Variants in CBLB observed in about 807,000 individuals in gnomAD.
CBLB encodes the protein Cbl proto-oncogene B.
In CBLB, 31 loss-of-function variants were observed where a neutral mutation model predicts 104.9. That is an observed-to-expected ratio of 0.30 (90% CI 0.22 to 0.40). The LOEUF (loss-of-function observed/expected upper bound fraction) is 0.40, where lower values mean the gene tolerates loss of function less well. CBLB is among the 10% of genes least tolerant of loss of function. The pLI is 1.00. For missense variants in CBLB, 1,062 were observed against 1,214.6 expected (o/e 0.87, Z 1.87); for synonymous variants, 440 against 422.6 (o/e 1.04, Z -0.51).
rs775534063 is a variant in CBLB, at chr3:105,681,624, C to A, written c.2297-14G>T. 9 of 1,613,936 alleles carry A rather than the reference C, an allele frequency of 5.6e-6. No individual in the cohort carries two copies. The highest frequency in any genetic ancestry group is 5.5e-5 in the South Asian group (5 of 90,938). On this transcript the variant is annotated splice_polypyrimidine_tract_variant and intron_variant, in intron 15 of 18. Coordinates refer to ENST00000394030, the MANE Select transcript of CBLB (RefSeq NM_170662.5). The stretch of plus-strand genomic sequence containing the variant: ...CAAAAACATCTCCTAGAGGATAACA[C>A]AAAACCTTAATGTATTTTCAGTACA...
chr3:105,840,073 T>G (rs2089307874), intron 3 of CBLB, among the ~76,000 whole-genome samples: 1 of 152,182 alleles, frequency 6.6e-6, no homozygotes, highest in Non-Finnish European at 1.5e-5. Context: ...CTCCACATAC[T>G]TCATAGAAAA....
rs748276732 is a variant in CBLB at position 105,734,039 on chromosome 3, C to G, written c.1173G>C (p.Leu391Phe). The change falls in exon 9 of 19, where the codon TTG becomes TTC. Residue 391 changes from leucine to phenylalanine, a missense_variant. Leu to Phe is a conservative substitution (Grantham distance 22). Transcript: ENST00000394030. ...ATGCCGTAAGGCAAGAGGTGCACAT[C>G]AAATGCCCACAAGGCTCAATCTTGA... ...KDVKIEPCGH[L>F]MCTSCLTAWQ... The G allele has an allele frequency of 2.5e-6, 4 of 1,614,056 alleles. No homozygotes were observed. The highest frequency in any genetic ancestry group is 3.4e-6 in the Non-Finnish European group (4 of 1,179,894).
At position 105,824,966 on chromosome 3, in the gene CBLB, G is replaced by A. The variant is rs183550813; in HGVS notation, c.419+28448C>T. 9.1e-4 allele frequency among the ~76,000 whole-genome samples: 138 copies of A among 152,248 alleles called. 1 individual carries two copies. The highest frequency in any genetic ancestry group is 3.2e-3 in the African/African-American group (132 of 41,544). Reference sequence around the variant, plus strand: ...GTGTAATCAGAAGAGTACCTAGAGCGTTACTATAAAGGCATCTCTCCTTTT... The same window carrying A: ...GTGTAATCAGAAGAGTACCTAGAGCATTACTATAAAGGCATCTCTCCTTTT... On this transcript the variant is annotated intron_variant, in intron 3 of 18. Transcript: ENST00000394030.
chr3:105,683,268 A>T (rs554126087), intron 14 of CBLB, among the ~76,000 whole-genome samples: 2 of 152,358 alleles, frequency 1.3e-5, no homozygotes, highest in South Asian at 2.1e-4. Flanking sequence ...AGGGGGAAAA[A>T]TACACACAGG....
chr3:105,661,958 C>T (rs560728666), intron 18 of CBLB, among the ~76,000 whole-genome samples: 11 of 152,206 alleles, frequency 7.2e-5, no homozygotes, highest in Admixed American at 6.5e-4. Context: ...CCAGCAATTA[C>T]TATAACAGGA....
chr3:105,761,161 G>A (rs1342286504), intron 4 of CBLB, among the ~76,000 whole-genome samples: 2 of 152,130 alleles, frequency 1.3e-5, no homozygotes, highest in African/African-American at 2.4e-5. Flanking sequence ...GCCTCGTTAA[G>A]TAGCTGGGAT....
chr3:105,667,276 T>A (rs1454262130), intron 18 of CBLB, among the ~76,000 whole-genome samples: 1 of 143,006 alleles, frequency 7.0e-6, no homozygotes. Context: ...ACCTCAAGAG[T>A]GAATGGTGCA....
At chr3:105,857,092 G>A (rs557306895) in intron 2 of CBLB, among the ~76,000 whole-genome samples, 2 of 152,136 alleles carry the variant, frequency 1.3e-5, no homozygotes, top group Non-Finnish European at 2.9e-5. Flanking sequence ...TGGGGACCAG[G>A]TAGCTTCAAA....
At chr3:105,841,459 T>C (rs1282148761) in intron 3 of CBLB, among the ~76,000 whole-genome samples, 1 of 151,756 alleles carries the variant, frequency 6.6e-6, no homozygotes, top group Admixed American at 6.6e-5. Flanking sequence ...CCAAGATATA[T>C]ATATATTTTT....
intron 4 of CBLB, among the ~76,000 whole-genome samples, chr3:105,758,300 A>G (rs1438733034): frequency 6.6e-6 from 1 of 152,230 alleles, no homozygotes; most frequent in East Asian, 1.9e-4. Context: ...AAGGATATTC[A>G]TAATTAGATT....
At chr3:105,867,628 G>A in intron 1 of CBLB, 37 bp from the exon 2 acceptor site, 1 of 1,590,600 alleles carries the variant, frequency 6.3e-7, no homozygotes, top group East Asian at 2.2e-5. Flanking sequence ...AAAGTTAGTT[G>A]GTTTTGAAAA....
At chr3:105,853,277 G>T in intron 3 of CBLB, 137 bp downstream of exon 3, 1 of 841,048 alleles carries the variant, frequency 1.2e-6, no homozygotes, top group East Asian at 2.4e-5. Context: ...TATCCCCATC[G>T]TTAAGTACCA....
At chr3:105,771,339 C>G (rs1049658609) in intron 4 of CBLB, among the ~76,000 whole-genome samples, 2 of 152,012 alleles carry the variant, frequency 1.3e-5, no homozygotes, top group African/African-American at 2.4e-5. Flanking sequence ...ATACAGCACC[C>G]CTTTATAATC....
intron 18 of CBLB, among the ~76,000 whole-genome samples, chr3:105,659,873 C>T (rs752912166): frequency 1.3e-4 from 19 of 151,746 alleles, no homozygotes; most frequent in African/African-American, 2.7e-4. Context: ...ACAGGCTGAA[C>T]GGAAGGAAAC....
rs2066357439 is a variant in CBLB, at chr3:105,681,837, T to G, written c.2202-19A>C. On this transcript the variant is annotated intron_variant, in intron 14 of 18. Transcript: ENST00000394030. Reference sequence around the variant, plus strand: ...ACAAGACCTAAAGGACAGTTCAGAGTAAAATTATATAAGGAGAATACTTTC... The same window carrying G: ...ACAAGACCTAAAGGACAGTTCAGAGGAAAATTATATAAGGAGAATACTTTC... 7.3e-7 allele frequency: 1 copy of G among 1,366,892 alleles called. No homozygotes were observed. The highest frequency in any genetic ancestry group is 1.0e-6 in the Non-Finnish European group (1 of 956,804). The allele number at this position is 1,366,892 out of a possible 1,614,324, so 84.7% of individuals were successfully genotyped here.
chr3:105,696,030 T>C (rs1576407317), intron 12 of CBLB, among the ~76,000 whole-genome samples: 2 of 151,504 alleles, frequency 1.3e-5, no homozygotes, highest in Admixed American at 6.6e-5. Flanking sequence ...TATGTGTGAG[T>C]ATATATATGT....
intron 9 of CBLB, among the ~76,000 whole-genome samples, chr3:105,724,612 G>C (rs940221678): frequency 6.6e-6 from 1 of 151,988 alleles, no homozygotes; most frequent in Non-Finnish European, 1.5e-5. Context: ...AATATAATAA[G>C]AAAACTAAGG....
At chr3:105,736,591 AT>A (rs1384096738) in intron 8 of CBLB, among the ~76,000 whole-genome samples, 2 of 152,154 alleles carry the variant, frequency 1.3e-5, no homozygotes, top group Non-Finnish European at 2.9e-5. Flanking sequence ...TTTACAAAAA[AT>A]ATTACAGTAA....
At chr3:105,858,507 G>A (rs938034837) in intron 2 of CBLB, among the ~76,000 whole-genome samples, 1 of 152,150 alleles carries the variant, frequency 6.6e-6, no homozygotes, top group African/African-American at 2.4e-5. Flanking sequence ...AATGAAGCTT[G>A]GTACTAACAC....
Sources: allele counts gnomAD v4.1 joint callset (sites outside exome capture counted in the v4.1 genomes callset), GRCh38; gene constraint gnomAD v4.1.1; transcripts MANE v1.5; gene names NCBI Gene and HGNC (gene_info 2026-07-23, HGNC 2026-07-21).